The following RASGRP3 variants were observed in gnomAD, a reference collection of about 807,000 sequenced individuals.
RASGRP3 encodes ras guanyl-releasing protein 3.
Under a neutral mutation model 82.7 loss-of-function variants are expected in RASGRP3, and 54 were observed. That is an observed-to-expected ratio of 0.65 (90% CI 0.52 to 0.82). The LOEUF (loss-of-function observed/expected upper bound fraction) is 0.82. Ranked by LOEUF, RASGRP3 falls within the 40% of genes least tolerant of loss-of-function variation. The probability of loss-of-function intolerance (pLI) is 0.00; values close to 1 mark genes in which losing one functional copy is unlikely to be tolerated. For missense variants in RASGRP3, 861 were observed against 828.9 expected (o/e 1.04, Z -0.48); for synonymous variants, 309 against 300.5 (o/e 1.03, Z -0.29).
chr2:33,512,550 A>G (rs1263488441), intron 2 of RASGRP3, among the ~76,000 whole-genome samples: 3 of 152,218 alleles, frequency 2.0e-5, no homozygotes, highest in East Asian at 1.9e-4. Context: ...AATGATGAAT[A>G]TAGGCAGATT....
intron 1 of RASGRP3, among the ~76,000 whole-genome samples, chr2:33,502,292 G>A (rs1028695184): frequency 2.6e-5 from 4 of 152,084 alleles, no homozygotes; most frequent in African/African-American, 9.7e-5. Flanking sequence ...CTGTTTCTGT[G>A]TGTGGAGGTG....
At chr2:33,528,547 A>T (rs1360190683) in intron 10 of RASGRP3, among the ~76,000 whole-genome samples, 1 of 152,212 alleles carries the variant, frequency 6.6e-6, no homozygotes, top group Non-Finnish European at 1.5e-5. Context: ...CAGCTGCAAT[A>T]CTGAATTAAC....
At chr2:33,530,575 C>T (rs1307992135) in intron 10 of RASGRP3, among the ~76,000 whole-genome samples, 4 of 151,116 alleles carry the variant, frequency 2.6e-5, no homozygotes, top group African/African-American at 9.8e-5. Flanking sequence ...CTTCTGCATC[C>T]CAGCCTGGGC....
Position 33,451,640 on chromosome 2 carries a change from C to T in RASGRP3, c.-261+3697C>T, listed in dbSNP as rs141559500. Among the ~76,000 whole-genome samples the T allele has an allele frequency of 1.1e-3, 169 of 152,024 alleles. 1 individual carries two copies. Among genetic ancestry groups the T allele is most frequent in the African/African-American group, 3.9e-3 (161 of 41,494 alleles). On this transcript the variant is annotated intron_variant, in intron 2 of 18. Transcript: ENST00000402538. ...CGTAAGGGTTCGATTTCATTTACTG[C>T]TGCTTTCAAAGTTTTTTCTTTGTCT... is the stretch of plus-strand genomic sequence containing the variant.
intron 12 of RASGRP3, among the ~76,000 whole-genome samples, chr2:33,543,202 A>G (rs534439795): frequency 1.3e-5 from 2 of 152,090 alleles, no homozygotes; most frequent in African/African-American, 2.4e-5. Flanking sequence ...TTTTGTAGCA[A>G]TGAGGTCTCT....
At chr2:33,526,189 C>G (rs1223280465) in intron 9 of RASGRP3, among the ~76,000 whole-genome samples, 1 of 152,176 alleles carries the variant, frequency 6.6e-6, no homozygotes. Context: ...CTGAACTAAT[C>G]ACAAACTAGA....
intron 1 of RASGRP3, among the ~76,000 whole-genome samples, chr2:33,439,515 A>G (rs567297431): frequency 1.3e-5 from 2 of 152,362 alleles, no homozygotes; most frequent in South Asian, 4.1e-4. Context: ...TGAATTTCAG[A>G]TAAACAACAA....
intron 2 of RASGRP3, among the ~76,000 whole-genome samples, chr2:33,459,637 A>ATTTTTTTTTTTTTT (rs1666249153): frequency 6.6e-6 from 1 of 151,894 alleles, no homozygotes; most frequent in African/African-American, 2.4e-5. Flanking sequence ...GTGACTGGGC[A>ATTTTTTTTTTTTTT]TTTTTAAGGG....
intron 17 of RASGRP3, among the ~76,000 whole-genome samples, chr2:33,562,322 C>T (rs1307127879): frequency 6.7e-6 from 1 of 148,834 alleles, no homozygotes; most frequent in Admixed American, 6.8e-5. Flanking sequence ...GGCAGGACTG[C>T]AGTGGTACAG....
Position 33,465,677 on chromosome 2 carries a change from C to G in RASGRP3, c.-261+17734C>G, listed in dbSNP as rs996957627. On this transcript the variant is annotated intron_variant, in intron 2 of 18. Transcript: ENST00000402538. ...CAGATTTTCCACGTAGTTGAACCAG[C>G]CTTAAATTGGAAGAAGATGTCATCT... is the stretch of plus-strand genomic sequence containing the variant. 2.0e-5 allele frequency among the ~76,000 whole-genome samples: 3 copies of G among 152,116 alleles called. No individual in the cohort carries two copies. The East Asian group carries it at 5.8e-4, about 29-fold the overall frequency.
chr2:33,540,556 T>TTGTGTGTGTGTGTG (rs377215232), intron 12 of RASGRP3, among the ~76,000 whole-genome samples: 1 of 38,626 alleles, frequency 2.6e-5, no homozygotes, highest in Non-Finnish European at 4.5e-5. Context: ...TGTGTGTGTT[T>TTGTGTGTGTGTGTG]TGTGTGTGTG....
chr2:33,514,231 G>C (rs1442483464), intron 2 of RASGRP3, among the ~76,000 whole-genome samples: 1 of 152,098 alleles, frequency 6.6e-6, no homozygotes, highest in African/African-American at 2.4e-5. Flanking sequence ...AGTAGAATCT[G>C]TTACAGTTGT....
intron 2 of RASGRP3, among the ~76,000 whole-genome samples, chr2:33,457,152 C>T (rs1280262185): frequency 1.3e-5 from 2 of 152,094 alleles, no homozygotes; most frequent in East Asian, 1.9e-4. Context: ...GTTACAGGTG[C>T]GAGCCGCCAT....
intron 13 of RASGRP3, among the ~76,000 whole-genome samples, chr2:33,549,219 C>A (rs1047268971): frequency 6.6e-6 from 1 of 152,184 alleles, no homozygotes; most frequent in Non-Finnish European, 1.5e-5. Context: ...TATTACAGTT[C>A]TCTGCCTTTC....
At chr2:33,533,001 C>G (rs1297799565) in intron 10 of RASGRP3, 1 of 152,144 alleles carries the variant, frequency 6.6e-6, no homozygotes, top group Non-Finnish European at 1.5e-5. Context: ...CTCCTTCTTT[C>G]TTTTCCCCCA....
chr2:33,501,323 C>T (rs1018124025), intron 1 of RASGRP3, among the ~76,000 whole-genome samples: 6 of 152,076 alleles, frequency 3.9e-5, no homozygotes, highest in South Asian at 2.1e-4. Flanking sequence ...ATCCATTTGT[C>T]GATTGATAGA....
intron 1 of RASGRP3, among the ~76,000 whole-genome samples, chr2:33,445,779 A>G (rs1665466735): frequency 1.3e-5 from 2 of 152,048 alleles, no homozygotes; most frequent in African/African-American, 4.8e-5. Context: ...CAAACAGAAA[A>G]AGTATATACT....
chr2:33,558,809 C>T lies in RASGRP3; in HGVS notation c.1843C>T (p.Gln615Ter), dbSNP rs1676309505. 1 of 1,613,900 alleles carries T rather than the reference C, an allele frequency of 6.2e-7. No homozygotes were observed. Among genetic ancestry groups the T allele is most frequent in the Non-Finnish European group, 8.5e-7 (1 of 1,179,898 alleles). The change falls in exon 17 of 18, where the codon CAG (glutamine) becomes TAG (stop). Residue 615 changes from glutamine (Q) to a stop codon, truncating the protein, a stop_gained. Coordinates refer to ENST00000403687, the MANE Select transcript of RASGRP3 (RefSeq NM_001139488.2). LOFTEE classifies it high-confidence loss of function. ...LQRATTSQAT[Q>*]TEPVWSEAGW... ...GAGGGCCACCACCAGCCAGGCCACC[C>T]AGACTGAACCTGTCTGGTCAGAGGC...
chr2:33,515,046 T>A lies in RASGRP3; in HGVS notation c.-91T>A. The A allele has an allele frequency of 8.5e-7, 1 of 1,180,888 alleles. No individual in the cohort carries two copies. The allele number at this position is 1,180,888 out of a possible 1,614,324, so 73.2% of individuals were successfully genotyped here. On this transcript the variant is annotated 5_prime_UTR_variant, in exon 3 of 18. Coordinates refer to ENST00000403687, the MANE Select transcript of RASGRP3 (RefSeq NM_001139488.2). The stretch of plus-strand genomic sequence containing the variant: ...AGTACAACTAAGGACAGGTCACCAC[T>A]AGGCACTAACATCGCTGACTTGCAT...
Sources: allele counts gnomAD v4.1 joint callset (sites outside exome capture counted in the v4.1 genomes callset), GRCh38; gene constraint gnomAD v4.1.1; transcripts MANE v1.5; gene names NCBI Gene and HGNC (gene_info 2026-07-23, HGNC 2026-07-21).